DPP10: variants seen among roughly 807,000 people sequenced by gnomAD.
DPP10 encodes the protein dipeptidyl peptidase like 10, also known as inactive dipeptidyl peptidase 10.
Under a neutral mutation model 120.9 loss-of-function variants are expected in DPP10, and 33 were observed. That is an observed-to-expected ratio of 0.27 (90% confidence interval 0.21 to 0.37). The LOEUF is 0.37. Among genes scored for constraint, DPP10 ranks in the 10% least tolerant of loss-of-function variants. The probability of loss-of-function intolerance (pLI) is 1.00; values close to 1 mark genes in which losing one functional copy is unlikely to be tolerated. For synonymous variants in DPP10, 337 were observed against 326.1 expected, an observed-to-expected ratio of 1.03 and a Z score of -0.36; for missense variants, 816 against 942.8, an observed-to-expected ratio of 0.87 and a Z score of 1.76.
chr2:115,242,134 C>A (rs1381329893), intron 1 of DPP10, among the ~76,000 whole-genome samples: 1 of 152,058 alleles, frequency 6.6e-6, no homozygotes, highest in Non-Finnish European at 1.5e-5. Flanking sequence ...CAATTTGTAG[C>A]GTTTTATCCC....
Position 114,515,161 on chromosome 2 carries a change from C to T in DPP10, c.60+72323C>T, listed in dbSNP as rs571167406. Among the ~76,000 whole-genome samples the T allele has an allele frequency of 1.3e-4, 20 of 152,280 alleles. 1 individual carries two copies. In the South Asian group the frequency reaches 3.7e-3, roughly 28 times the overall value. ...CAAGACAATTTCCAATTTCATCTCA[C>T]GATCAGGTTTACTTCCCAATATTCT... On this transcript the variant is annotated intron_variant, in intron 1 of 25. Coordinates refer to ENST00000410059, the MANE Select transcript of DPP10 (RefSeq NM_020868.6).
At chr2:114,969,458 T>C in intron 1 of DPP10, among the ~76,000 whole-genome samples, 1 of 152,214 alleles carries the variant, frequency 6.6e-6, no homozygotes, top group East Asian at 1.9e-4. Flanking sequence ...TGTGTGTTTG[T>C]GTATGGTGTG....
intron 1 of DPP10, among the ~76,000 whole-genome samples, chr2:114,893,740 T>A (rs549563622): frequency 6.6e-6 from 1 of 152,320 alleles, no homozygotes; most frequent in South Asian, 2.1e-4. Flanking sequence ...AGGCATGACT[T>A]TCACATCATC....
At chr2:114,795,221 C>T (rs994971752) in intron 1 of DPP10, among the ~76,000 whole-genome samples, 96 of 152,154 alleles carry the variant, frequency 6.3e-4, no homozygotes, top group African/African-American at 1.9e-3. Context: ...CACTCTCAGG[C>T]CAGGTGCAGT....
At chr2:115,473,004 C>T (rs2074834213) in intron 3 of DPP10, among the ~76,000 whole-genome samples, 1 of 152,160 alleles carries the variant, frequency 6.6e-6, no homozygotes, top group Admixed American at 6.6e-5. Flanking sequence ...GCCAAGTTTC[C>T]ACTTTAAGAG....
At chr2:115,411,049 G>C (rs556274237) in intron 3 of DPP10, among the ~76,000 whole-genome samples, 1 of 152,238 alleles carries the variant, frequency 6.6e-6, no homozygotes, top group Admixed American at 6.5e-5. Flanking sequence ...TACTTTAGGG[G>C]CTGGGCGCAG....
intron 1 of DPP10, among the ~76,000 whole-genome samples, chr2:115,145,796 A>G (rs551951713): frequency 6.6e-6 from 1 of 152,208 alleles, no homozygotes; most frequent in South Asian, 2.1e-4. Context: ...GTTGCTCCAC[A>G]TTCGTGTCAG....
intron 7 of DPP10, among the ~76,000 whole-genome samples, chr2:115,717,157 A>G (rs1330571567): frequency 1.3e-5 from 2 of 152,200 alleles, no homozygotes; most frequent in Admixed American, 6.5e-5. Flanking sequence ...AACAGAAATG[A>G]CAGTGAAGGA....
intron 3 of DPP10, among the ~76,000 whole-genome samples, chr2:115,347,477 A>G (rs2063766769): frequency 6.6e-6 from 1 of 151,998 alleles, no homozygotes; most frequent in African/African-American, 2.4e-5. Flanking sequence ...GAGGGATGCT[A>G]GTTTCTTTTA....
At chr2:114,663,693 A>AGAGAGAGAGAGG (rs1394999920) in intron 1 of DPP10, among the ~76,000 whole-genome samples, 1 of 148,192 alleles carries the variant, frequency 6.7e-6, no homozygotes, top group Non-Finnish European at 1.5e-5. Flanking sequence ...AGAGAGAGAG[A>AGAGAGAGAGAGG]GAGAAACTGA....
intron 1 of DPP10, among the ~76,000 whole-genome samples, chr2:114,652,784 C>T (rs1287281614): frequency 1.3e-5 from 2 of 152,114 alleles, no homozygotes; most frequent in East Asian, 3.9e-4. Context: ...GCAGGACTCA[C>T]TTTCTCACTG....
intron 1 of DPP10, among the ~76,000 whole-genome samples, chr2:114,771,739 G>C (rs1191946268): frequency 6.6e-6 from 1 of 152,186 alleles, no homozygotes; most frequent in Non-Finnish European, 1.5e-5. Flanking sequence ...ACACTTCCAA[G>C]AGTAGCATGT....
At chr2:114,927,747 A>G (rs1234254254) in intron 1 of DPP10, among the ~76,000 whole-genome samples, 1 of 152,180 alleles carries the variant, frequency 6.6e-6, no homozygotes, top group African/African-American at 2.4e-5. Context: ...GGTAATTTAT[A>G]AAGAAAAGAG....
intron 1 of DPP10, among the ~76,000 whole-genome samples, chr2:114,750,431 TCA>T (rs1238889456): frequency 6.6e-6 from 1 of 152,036 alleles, no homozygotes; most frequent in Non-Finnish European, 1.5e-5. Flanking sequence ...CCTCCCAGGT[TCA>T]CACCATTCTC....
At chr2:114,682,015 G>A (rs891968813) in intron 1 of DPP10, among the ~76,000 whole-genome samples, 2 of 151,936 alleles carry the variant, frequency 1.3e-5, no homozygotes, top group Non-Finnish European at 1.5e-5. Flanking sequence ...ATGAGTTAAA[G>A]CGTTGTCAAT....
intron 1 of DPP10, among the ~76,000 whole-genome samples, chr2:114,973,902 A>G (rs183094581): frequency 7.2e-5 from 11 of 152,208 alleles, no homozygotes; most frequent in Middle Eastern, 3.4e-3. Flanking sequence ...AGCTTTAAAA[A>G]GAAAAAAACT....
At chr2:115,650,335 T>G (rs1397157203) in intron 5 of DPP10, among the ~76,000 whole-genome samples, 3 of 151,144 alleles carry the variant, frequency 2.0e-5, no homozygotes. Context: ...TAACTTTTTT[T>G]TGACATGACA....
chr2:115,804,242 A>G (rs182154013), intron 19 of DPP10, among the ~76,000 whole-genome samples: 3 of 152,274 alleles, frequency 2.0e-5, no homozygotes, highest in Non-Finnish European at 4.4e-5. Flanking sequence ...AGGCTTGTGC[A>G]TTCGTCACGT....
At chr2:114,600,764 C>T (rs753963680) in intron 1 of DPP10, among the ~76,000 whole-genome samples, 4 of 151,766 alleles carry the variant, frequency 2.6e-5, no homozygotes, top group South Asian at 2.1e-4. Context: ...TAGAAAAATA[C>T]GATTACACAT....
Sources: allele counts gnomAD v4.1 joint callset (sites outside exome capture counted in the v4.1 genomes callset), GRCh38; gene constraint gnomAD v4.1.1; transcripts MANE v1.5; gene names NCBI Gene and HGNC (gene_info 2026-07-23, HGNC 2026-07-21).